The following ITGA3 variants were observed in gnomAD, a reference collection of about 807,000 sequenced individuals.
ITGA3 encodes integrin alpha-3.
ITGA3 carries 70 observed loss-of-function variants against 131.1 expected under a neutral mutation model. The ratio of observed to expected loss-of-function variants is 0.53; its 90% CI spans 0.44 to 0.65. ITGA3 has a LOEUF of 0.65. Ranked by LOEUF, ITGA3 falls within the 30% of genes least tolerant of loss-of-function variation. ITGA3 has a pLI of 0.00. For synonymous variants in ITGA3, 537 were observed against 571.6 expected (o/e 0.94, Z 0.86); for missense variants, 1,098 against 1,388.6 (o/e 0.79, Z 3.33).
intron 4 of ITGA3, among the ~76,000 whole-genome samples, chr17:50,070,642 C>A: frequency 4.2e-5 from 1 of 23,924 alleles, no homozygotes; most frequent in Non-Finnish European, 8.4e-5. Flanking sequence ...GCAAGACTGT[C>A]TCAAAAAAAA....
chr17:50,073,641 C>T (rs1267175986), intron 7 of ITGA3, among the ~76,000 whole-genome samples: 1 of 151,472 alleles, frequency 6.6e-6, no homozygotes, highest in South Asian at 2.1e-4. Context: ...CACGCACACA[C>T]GCACACACAC....
At chr17:50,080,083 T>C (rs1909114451) in intron 21 of ITGA3, among the ~76,000 whole-genome samples, 179 bp from the exon 22 acceptor site, 1 of 151,780 alleles carries the variant, frequency 6.6e-6, no homozygotes, top group South Asian at 2.1e-4. Flanking sequence ...GCCCAAAGAG[T>C]GTGTCTGAAA....
chr17:50,058,140 A>G (rs1907917776), intron 1 of ITGA3, among the ~76,000 whole-genome samples: 1 of 152,180 alleles, frequency 6.6e-6, no homozygotes, highest in Admixed American at 6.5e-5. Context: ...TGATTCCGCA[A>G]CCCTTTTGCC....
At chr17:50,059,016 C>G (rs1285596243) in intron 1 of ITGA3, among the ~76,000 whole-genome samples, 1 of 152,208 alleles carries the variant, frequency 6.6e-6, no homozygotes, top group Non-Finnish European at 1.5e-5. Context: ...TTCTTGTTCT[C>G]CATTCATAAG....
In ITGA3 at chr17:50,088,323, C is replaced by T. The variant is rs552312186; in HGVS notation, c.3144C>T (p.Thr1048=). The T allele has an allele frequency of 2.0e-5, 32 of 1,576,888 alleles. No individual in the cohort carries two copies. In the Admixed American group the frequency reaches 2.0e-4, roughly 10 times the overall value. Reference sequence around the variant, plus strand: ...AGCCGTCAGAGACAGAGAGGCTGACCGACGACTACTGAGGGGGCAGCCCCC... The same window carrying T: ...AGCCGTCAGAGACAGAGAGGCTGACTGACGACTACTGAGGGGGCAGCCCCC... ...KSQPSETERL[T]DDY The change falls in exon 25 of 26, where the codon ACC becomes ACT. Residue 1048 remains threonine (T), a synonymous_variant. Coordinates refer to ENST00000320031, the MANE Select transcript of ITGA3 (RefSeq NM_002204.4).
chr17:50,076,490 C>T lies in ITGA3; in HGVS notation c.1824+15C>T, dbSNP rs374164541. Reference sequence around the variant, plus strand: ...ACCACACTGAGGTGAGTGGGGCTGGCGCCTGGACTGGAAGACCAGGGGCCA... The same window carrying T: ...ACCACACTGAGGTGAGTGGGGCTGGTGCCTGGACTGGAAGACCAGGGGCCA... On this transcript the variant is annotated intron_variant, in intron 13 of 25. Transcript: ENST00000320031. 3.1e-6 allele frequency: 5 copies of T among 1,607,384 alleles called. No homozygotes were observed. In the African/African-American group the frequency reaches 5.3e-5, roughly 17 times the overall value.
chr17:50,086,569 A>T, intron 23 of ITGA3: 1 of 149,852 alleles, frequency 6.7e-6, no homozygotes, highest in Middle Eastern at 3.2e-3. Flanking sequence ...CACGCCTGAA[A>T]TTCCAGCTAC....
At position 50,072,086 on chromosome 17, in the gene ITGA3, C is replaced by T. The variant is rs549115710; in HGVS notation, c.1060C>T (p.Pro354Ser). ...CATGAACCAGGCGGGAACCTCCTTC[C>T]CTGCTCACCCCTCACTCCTTCTTCA... ...VFMNQAGTSF[P>S]AHPSLLLHGP... Residue 354 changes from proline (P) to serine (S), a missense_variant, in exon 7 of 26, where the codon CCT becomes TCT. Physicochemically the swap from Pro to Ser is moderately conservative, Grantham distance 74. This residue lies in a region of ITGA3 where 356 missense variants were observed against 529.2 expected (regional missense o/e 0.67). Coordinates refer to ENST00000320031, the MANE Select transcript of ITGA3 (RefSeq NM_002204.4). 218 of 1,614,084 alleles carry T rather than the reference C, an allele frequency of 1.4e-4. 1 individual carries two copies. The South Asian group carries it at 1.4e-3, about 10-fold the overall frequency.
chr17:50,088,208 C>T lies in ITGA3; in HGVS notation c.3046-17C>T, dbSNP rs1174751261. On this transcript the variant is annotated splice_polypyrimidine_tract_variant and intron_variant, in intron 24 of 25. Coordinates refer to ENST00000320031, the MANE Select transcript of ITGA3 (RefSeq NM_002204.4). The stretch of plus-strand genomic sequence containing the variant: ...GCGCCCCCCTGATGGCCCGTCCCCA[C>T]CTCCTCCCCTCCGCAGTGCGGCTTC... 1.3e-6 allele frequency: 2 copies of T among 1,550,438 alleles called. No individual in the cohort carries two copies. Among genetic ancestry groups the T allele is most frequent in the South Asian group, 2.4e-5 (2 of 83,974 alleles).
At position 50,064,353 on chromosome 17, in the gene ITGA3, G is replaced by T; in HGVS notation, c.334+149G>T. 2 of 1,186,512 alleles carry T rather than the reference G, an allele frequency of 1.7e-6. No individual in the cohort carries two copies. The highest frequency in any genetic ancestry group is 2.4e-6 in the Non-Finnish European group (2 of 843,216). 73.5% of individuals were successfully genotyped at this position (1,186,512 alleles called of 1,614,324 possible). A position where few individuals can be genotyped will look rare whatever the true frequency, so the allele number is the denominator to read the frequency against. ...TGGGAAGAGGGTGCCCTAGAGGAGAGTGGGGCTGGATGGGATTGGTAGAGC... is the reference window on the plus strand; with the variant it reads ...TGGGAAGAGGGTGCCCTAGAGGAGATTGGGGCTGGATGGGATTGGTAGAGC... On this transcript the variant is annotated intron_variant, in intron 2 of 25. Coordinates refer to ENST00000320031, the MANE Select transcript of ITGA3 (RefSeq NM_002204.4). The surrounding 1 kb of genome is among the most constrained non-coding windows in gnomAD (Gnocchi z 4.4).
At chr17:50,066,037 A>C (rs1199369927) in intron 3 of ITGA3, 3 of 151,204 alleles carry the variant, frequency 2.0e-5, no homozygotes, top group Non-Finnish European at 4.4e-5. Context: ...CATCTCAAAA[A>C]AAAAAAAAAA....
intron 16 of ITGA3, 53 bp from the exon 17 acceptor site, chr17:50,077,993 C>A: frequency 6.9e-7 from 1 of 1,452,674 alleles, no homozygotes; most frequent in Non-Finnish European, 9.6e-7. Flanking sequence ...CCCATGACAT[C>A]ACCCCCGCCA....
chr17:50,077,232 G>T, intron 15 of ITGA3, 111 bp downstream of exon 15: 1 of 1,333,102 alleles, frequency 7.5e-7, no homozygotes, highest in Non-Finnish European at 1.0e-6. Flanking sequence ...CACCTCCTCT[G>T]GTCTGGGCCT....
rs199518192 is a variant in ITGA3, at chr17:50,078,162, G to A, written c.2219+37G>A. The A allele has an allele frequency of 3.0e-5, 48 of 1,613,040 alleles. No individual in the cohort carries two copies. In the Admixed American group the frequency reaches 6.3e-4, roughly 21 times the overall value. On this transcript the variant is annotated intron_variant, in intron 17 of 25. Transcript: ENST00000320031. ...CGAAAAGCCAGTCTGGGTCAGGGCT[G>A]AGGTATCTTGGATCACCTTCCTAAC... is the stretch of plus-strand genomic sequence containing the variant.
At chr17:50,081,089 G>T in intron 22 of ITGA3, 1 of 524,024 alleles carries the variant, frequency 1.9e-6, no homozygotes, top group South Asian at 2.4e-5. Context: ...TGTTTCGGTT[G>T]TCCCCAGCAT....
chr17:50,071,742 A>G, intron 6 of ITGA3: 1 of 616,146 alleles, frequency 1.6e-6, no homozygotes, highest in Non-Finnish European at 2.8e-6. Flanking sequence ...GCTCCAGTGG[A>G]TGTGGATTGT....
chr17:50,088,943 G>A (rs1909587013), intron 25 of ITGA3, among the ~76,000 whole-genome samples, 167 bp from the exon 26 acceptor site: 2 of 152,000 alleles, frequency 1.3e-5, no homozygotes. Context: ...GGGGCCTGGG[G>A]TGGAGAAACT....
intron 6 of ITGA3, chr17:50,071,769 C>G: frequency 1.6e-6 from 1 of 617,082 alleles, no homozygotes; most frequent in Non-Finnish European, 2.8e-6. Flanking sequence ...TTGATTTGTG[C>G]CTGCATGGCG....
At chr17:50,067,976 A>G in intron 3 of ITGA3, 80 bp from the exon 4 acceptor site, 1 of 1,566,960 alleles carries the variant, frequency 6.4e-7, no homozygotes, top group Non-Finnish European at 8.7e-7. Context: ...TGGCAAAGCC[A>G]GAGGCTTACA....
Sources: gnomAD v4.1 joint callset for allele counts (sites outside exome capture counted in the v4.1 genomes callset) on GRCh38, gnomAD v4.1.1 for gene constraint, gnomAD v4.1.1 regional missense constraint, Gnocchi (gnomAD v3.1) non-coding constraint, MANE v1.5 for transcripts, NCBI Gene and HGNC (gene_info 2026-07-23, HGNC 2026-07-21) for gene names.